SLFN5: variants seen among roughly 807,000 people sequenced by gnomAD.
SLFN5 encodes the protein schlafen family member 5.
A neutral mutation model predicts 48.5 loss-of-function variants in SLFN5; 34 were observed. The ratio of observed to expected loss-of-function variants is 0.70; its 90% confidence interval spans 0.53 to 0.93. The LOEUF is 0.93. SLFN5 is among the 40% of genes least tolerant of loss of function. SLFN5 has a pLI of 0.00. For missense variants in SLFN5, 1,006 were observed against 1,071.3 expected, an observed-to-expected ratio of 0.94 and a Z score of 0.85; for synonymous variants, 387 against 396.2, an observed-to-expected ratio of 0.98 and a Z score of 0.28.
In SLFN5 at chr17:35,252,310, A is replaced by T. The variant is rs7210362; in HGVS notation, c.-40-6341A>T. Among the ~76,000 whole-genome samples the T allele has an allele frequency of 2.0e-3, 304 of 152,298 alleles. 1 individual carries two copies. The highest frequency in any genetic ancestry group is 6.6e-3 in the African/African-American group (276 of 41,552). On this transcript the variant is annotated intron_variant, in intron 1 of 4. Coordinates refer to ENST00000299977, the MANE Select transcript of SLFN5 (RefSeq NM_144975.4). ...GCTGTGCATTGTGGCGCGTTCTTGT[A>T]GTCCTAGCTACTTGGGAGGCTAAGG...
In SLFN5 at chr17:35,266,140, A is replaced by C. The variant is rs1233434671; in HGVS notation, c.*252A>C. ...GTAATTAGAGGACCGTGAGACTCAGAGATGTGTGTGTGTGTGTGTGTGTGT... is the reference window on the plus strand; with the variant it reads ...GTAATTAGAGGACCGTGAGACTCAGCGATGTGTGTGTGTGTGTGTGTGTGT... On this transcript the variant is annotated 3_prime_UTR_variant, in exon 5 of 5. Coordinates refer to ENST00000299977, the MANE Select transcript of SLFN5 (RefSeq NM_144975.4). 8 of 359,822 alleles carry C rather than the reference A, an allele frequency of 2.2e-5. No individual in the cohort carries two copies. Among genetic ancestry groups the C allele is most frequent in the Non-Finnish European group, 4.0e-5 (8 of 199,842 alleles). The allele number at this position is 359,822 out of a possible 1,614,324, so 22.3% of individuals were successfully genotyped here. A position where few individuals can be genotyped will look rare whatever the true frequency, so the allele number is the denominator to read the frequency against.
At chr17:35,250,970 G>T (rs1027494468) in intron 1 of SLFN5, among the ~76,000 whole-genome samples, 7 of 152,176 alleles carry the variant, frequency 4.6e-5, no homozygotes, top group African/African-American at 1.7e-4. Context: ...AGGATTTCTA[G>T]GTTAACTGGA....
intron 1 of SLFN5, among the ~76,000 whole-genome samples, chr17:35,256,853 A>G (rs920333131): frequency 6.6e-6 from 1 of 152,098 alleles, no homozygotes; most frequent in African/African-American, 2.4e-5. Flanking sequence ...CTGGCCCTGG[A>G]CCAGTACCTG....
chr17:35,265,882 T>G lies in SLFN5; in HGVS notation c.2670T>G (p.Ser890=), dbSNP rs747464258. The G allele has an allele frequency of 9.5e-6, 15 of 1,582,718 alleles. No individual in the cohort carries two copies. In the South Asian group the frequency reaches 1.5e-4, roughly 16 times the overall value. ...AKRHLYILKA[S]V Reference sequence around the variant, plus strand: ...GACATCTGTATATTCTGAAGGCTTCTGTGTGACAGGAAACCCAAGCCTAAG... The same window carrying G: ...GACATCTGTATATTCTGAAGGCTTCGGTGTGACAGGAAACCCAAGCCTAAG... The change falls in exon 5 of 5, where the codon TCT becomes TCG. Residue 890 remains serine (S), a synonymous_variant. Transcript: ENST00000299977.
At chr17:35,262,651 C>T in intron 3 of SLFN5, among the ~76,000 whole-genome samples, 1 of 151,824 alleles carries the variant, frequency 6.6e-6, no homozygotes, top group East Asian at 1.9e-4. Context: ...TCACTTGAGC[C>T]CAGGAGTTCA....
At chr17:35,246,127 A>C (rs1357321075) in intron 1 of SLFN5, among the ~76,000 whole-genome samples, 1 of 152,128 alleles carries the variant, frequency 6.6e-6, no homozygotes, top group African/African-American at 2.4e-5. Context: ...ATTTGTATCC[A>C]TATATTTTCT....
chr17:35,254,731 T>C (rs753260875), intron 1 of SLFN5, among the ~76,000 whole-genome samples: 12 of 152,194 alleles, frequency 7.9e-5, no homozygotes, highest in Admixed American at 1.3e-4. Context: ...AATTTCTGGA[T>C]TTCGGCCGGG....
rs199550055 is a variant in SLFN5 at position 35,258,664 on chromosome 17, G to C, written c.-27G>C. On this transcript the variant is annotated 5_prime_UTR_variant, in exon 2 of 5. Coordinates refer to ENST00000299977, the MANE Select transcript of SLFN5 (RefSeq NM_144975.4). ...TCTGTTTTTCAGGAGAACATTTCAG[G>C]ATAGGAATAGGCCAAGTGCTGAGAA... is the stretch of plus-strand genomic sequence containing the variant. 3 of 1,593,328 alleles carry C rather than the reference G, an allele frequency of 1.9e-6. No individual in the cohort carries two copies. The highest frequency in any genetic ancestry group is 2.6e-6 in the Non-Finnish European group (3 of 1,167,928).
chr17:35,265,443 T>A lies in SLFN5; in HGVS notation c.2231T>A (p.Met744Lys), dbSNP rs760402583. ...PPNLPPGSLV[M>K]LYEPKWAQGV... The stretch of plus-strand genomic sequence containing the variant: ...AACCTCCCCCCTGGGTCCCTGGTGA[T>A]GCTCTATGAACCTAAATGGGCTCAA... The change falls in exon 5 of 5, where the codon ATG (methionine) becomes AAG (lysine). Residue 744 changes from methionine (M) to lysine (K), a missense_variant. Transcript: ENST00000299977. 2.5e-6 allele frequency: 4 copies of A among 1,614,120 alleles called. No homozygotes were observed. The South Asian group carries it at 3.3e-5, about 13-fold the overall frequency.
In SLFN5 at chr17:35,272,250, T is replaced by C. The variant is rs1399075910; in HGVS notation, c.*6362T>C. The C allele has an allele frequency of 6.6e-6, 1 of 152,152 alleles. No homozygotes were observed. Among genetic ancestry groups the C allele is most frequent in the African/African-American group, 2.4e-5 (1 of 41,436 alleles). The allele number at this position is 152,152 out of a possible 1,614,324, so 9.4% of individuals were successfully genotyped here. A position where few individuals can be genotyped will look rare whatever the true frequency, so the allele number is the denominator to read the frequency against. ...CATGTTGAAATGTATTAACAGCATA[T>C]GTTAAAGTTAAGTTATGTTAACTTT... On this transcript the variant is annotated 3_prime_UTR_variant, in exon 5 of 5. Transcript: ENST00000299977.
rs372132385 is a variant in SLFN5, at chr17:35,265,103, A to G, written c.1891A>G (p.Thr631Ala). The change falls in exon 5 of 5, where the codon ACC (threonine) becomes GCC (alanine). Residue 631 changes from threonine to alanine, a missense_variant. Transcript: ENST00000299977. ...FSKKNICQPVTRKTFMKNNFE... is the reference protein window; with the variant it reads ...FSKKNICQPVARKTFMKNNFE... Reference sequence around the variant, plus strand: ...CAAGAAAAACATCTGCCAGCCAGTGACCCGGAAAACCTTCATGAAAAACAA... The same window carrying G: ...CAAGAAAAACATCTGCCAGCCAGTGGCCCGGAAAACCTTCATGAAAAACAA... 21 of 1,612,218 alleles carry G rather than the reference A, an allele frequency of 1.3e-5. No individual in the cohort carries two copies. The African/African-American group carries it at 2.4e-4, about 18-fold the overall frequency.
At chr17:35,246,739 C>T (rs918932139) in intron 1 of SLFN5, among the ~76,000 whole-genome samples, 1 of 151,856 alleles carries the variant, frequency 6.6e-6, no homozygotes, top group Non-Finnish European at 1.5e-5. Flanking sequence ...CCTGTAATCC[C>T]AGCTACTAGA....
chr17:35,259,815 C>A, intron 2 of SLFN5, 113 bp downstream of exon 2: 3 of 1,277,576 alleles, frequency 2.3e-6, no homozygotes, highest in Non-Finnish European at 3.2e-6. Context: ...GAGATTTACT[C>A]TCTGATTTGC....
chr17:35,264,615 A>G lies in SLFN5; in HGVS notation c.1571A>G (p.Gln524Arg), dbSNP rs201175146. Residue 524 changes from glutamine to arginine, a missense_variant, in exon 4 of 5, where the codon CAG becomes CGG. Gln to Arg is a conservative substitution (Grantham distance 43). Coordinates refer to ENST00000299977, the MANE Select transcript of SLFN5 (RefSeq NM_144975.4). Reference protein sequence around the residue: ...YPESYNFMTPQHMEALLQSLV... With the variant: ...YPESYNFMTPRHMEALLQSLV... The stretch of plus-strand genomic sequence containing the variant: ...GAATCCTATAACTTCATGACCCCCC[A>G]GCACATGGAAGCCCTGTTACAGTCC... The G allele has an allele frequency of 1.6e-5, 26 of 1,614,078 alleles. No homozygotes were observed. Among genetic ancestry groups the G allele is most frequent in the Non-Finnish European group, 2.2e-5 (26 of 1,180,044 alleles).
chr17:35,248,178 A>C (rs180894872), intron 1 of SLFN5, among the ~76,000 whole-genome samples: 1 of 152,216 alleles, frequency 6.6e-6, no homozygotes, highest in East Asian at 1.9e-4. Context: ...TAATGGCATA[A>C]CTCCAAGGAT....
rs756902254 is a variant in SLFN5, at chr17:35,259,710, A to G, written c.1012+8A>G. The G allele has an allele frequency of 1.3e-6, 2 of 1,598,462 alleles. No individual in the cohort carries two copies. Among genetic ancestry groups the G allele is most frequent in the Non-Finnish European group, 8.5e-7 (1 of 1,178,990 alleles). ...TGATGGAAGCTGACCCAGGTTAGGG[A>G]GCAATATCCACAATGGTTGTAATGT... On this transcript the variant is annotated splice_region_variant and intron_variant, in intron 2 of 4. Transcript: ENST00000299977.
chr17:35,270,122 A>T lies in SLFN5; in HGVS notation c.*4234A>T, dbSNP rs1000612832. 5 of 152,136 alleles carry T rather than the reference A, an allele frequency of 3.3e-5. No individual in the cohort carries two copies. Among genetic ancestry groups the T allele is most frequent in the South Asian group, 2.1e-4 (1 of 4,818 alleles). The allele number at this position is 152,136 out of a possible 1,614,324, so 9.4% of individuals were successfully genotyped here. A position where few individuals can be genotyped will look rare whatever the true frequency, so the allele number is the denominator to read the frequency against. ...AAAATATTATGTATCATATCCTTCGATTTAACATAATTCTATCTAGCTGTT... is the reference window on the plus strand; with the variant it reads ...AAAATATTATGTATCATATCCTTCGTTTTAACATAATTCTATCTAGCTGTT... On this transcript the variant is annotated 3_prime_UTR_variant, in exon 5 of 5. Coordinates refer to ENST00000299977, the MANE Select transcript of SLFN5 (RefSeq NM_144975.4).
chr17:35,253,705 T>G (rs1045598452), intron 1 of SLFN5, among the ~76,000 whole-genome samples: 24 of 142,316 alleles, frequency 1.7e-4, no homozygotes, highest in Non-Finnish European at 3.2e-4. Context: ...TTTTTTTTTT[T>G]TTTTTTTTTT....
Position 35,270,032 on chromosome 17 carries a change from T to C in SLFN5, c.*4144T>C, listed in dbSNP as rs1194546000. On this transcript the variant is annotated 3_prime_UTR_variant, in exon 5 of 5. Transcript: ENST00000299977. ...AAAGAAAAATATTCGGTAGTTCAGCTCTTCCTTCAATTTTATTAGTTGCTT... is the reference window on the plus strand; with the variant it reads ...AAAGAAAAATATTCGGTAGTTCAGCCCTTCCTTCAATTTTATTAGTTGCTT... 6.6e-6 allele frequency: 1 copy of C among 152,204 alleles called. No homozygotes were observed. Among genetic ancestry groups the C allele is most frequent in the East Asian group, 1.9e-4 (1 of 5,202 alleles). The allele number at this position is 152,204 out of a possible 1,614,324, so 9.4% of individuals were successfully genotyped here. A position where few individuals can be genotyped will look rare whatever the true frequency, so the allele number is the denominator to read the frequency against.
Sources: allele counts gnomAD v4.1 joint callset (sites outside exome capture counted in the v4.1 genomes callset), GRCh38; gene constraint gnomAD v4.1.1; transcripts MANE v1.5; gene names NCBI Gene and HGNC (gene_info 2026-07-23, HGNC 2026-07-21).